The following PLEKHG5 variants were observed in gnomAD, a reference collection of about 807,000 sequenced individuals.
The protein encoded by PLEKHG5 is pleckstrin homology domain-containing family G member 5.
A neutral mutation model predicts 103.8 loss-of-function variants in PLEKHG5; 52 were observed. The ratio of observed to expected loss-of-function variants is 0.50; its 90% CI spans 0.40 to 0.63. The LOEUF (loss-of-function observed/expected upper bound fraction) is 0.63. Among genes scored for constraint, PLEKHG5 ranks in the 30% least tolerant of loss-of-function variants. The probability of loss-of-function intolerance (pLI) is 0.00; values close to 1 mark genes in which losing one functional copy is unlikely to be tolerated. For missense variants in PLEKHG5, 1,205 were observed against 1,347.6 expected (o/e 0.89, Z 1.66); for synonymous variants, 592 against 575.5 (o/e 1.03, Z -0.41).
At chr1:6,511,882 G>A (rs1487739340) in intron 1 of PLEKHG5, among the ~76,000 whole-genome samples, 1 of 152,230 alleles carries the variant, frequency 6.6e-6, no homozygotes, top group Non-Finnish European at 1.5e-5. Context: ...GCCGGGCAGG[G>A]GAGAGGCCCT....
rs550897305 is a variant in PLEKHG5 at position 6,501,887 on chromosome 1, G to A, written c.-164-5318C>T. The stretch of plus-strand genomic sequence containing the variant: ...CCACCTCGTTCTCATTTTCTCCAGG[G>A]TAGCCCCTCACCTGTGAACCCTCCA... On this transcript the variant is annotated intron_variant, in intron 1 of 21. Coordinates refer to the PLEKHG5 transcript ENST00000377740. The surrounding 1 kb of genome is among the most constrained non-coding windows in gnomAD (Gnocchi z 4.3). Among the ~76,000 whole-genome samples the A allele has an allele frequency of 2.0e-5, 3 of 152,272 alleles. No individual in the cohort carries two copies. The East Asian group carries it at 5.8e-4, about 29-fold the overall frequency.
At position 6,490,476 on chromosome 1, in the gene PLEKHG5, GTCTAAGGC is replaced by G. The variant is rs141955211; in HGVS notation, c.-88+1153_-88+1160del. 0.14 allele frequency: 134,524 copies of G among 981,634 alleles called. 16,080 individuals are homozygous for G. The highest frequency in any genetic ancestry group is 0.59 in the African/African-American group (33,661 of 56,882). The allele number at this position is 981,634 out of a possible 1,614,324, so 60.8% of individuals were successfully genotyped here. A position where few individuals can be genotyped will look rare whatever the true frequency, so the allele number is the denominator to read the frequency against. ...ACAGGACCAGGGTCTCCTCCCCGGT[GTCTAAGGC>G]TCTAAGGCTCGGGCCGAGACTGCCA... On this transcript the variant is annotated intron_variant, in intron 1 of 20. Coordinates refer to ENST00000377728, the MANE Select transcript of PLEKHG5 (RefSeq NM_020631.6). This position sits in a 1 kb window ranked among gnomAD's most constrained non-coding sequence, Gnocchi z 8.0.
At chr1:6,513,354 A>G (rs1221167700) in intron 1 of PLEKHG5, among the ~76,000 whole-genome samples, 1 of 152,250 alleles carries the variant, frequency 6.6e-6, no homozygotes, top group African/African-American at 2.4e-5. Context: ...GCATCCAAGT[A>G]GGACCATGCC....
At chr1:6,483,472 C>T (rs1186466453) in intron 1 of PLEKHG5, among the ~76,000 whole-genome samples, 1 of 152,142 alleles carries the variant, frequency 6.6e-6, no homozygotes, top group Non-Finnish European at 1.5e-5. Flanking sequence ...AACTCCAGCC[C>T]GGGCCACACA....
At chr1:6,474,250 A>C (rs1316190855) in intron 6 of PLEKHG5, 86 bp from the exon 7 acceptor site, 1 of 1,520,746 alleles carries the variant, frequency 6.6e-7, no homozygotes, top group African/African-American at 1.4e-5. Context: ...GAGGATCCAC[A>C]CCAAGGCCTG....
Position 6,469,696 on chromosome 1 carries a change from G to C in PLEKHG5, c.1801-20C>G, listed in dbSNP as rs775321229. The C allele has an allele frequency of 5.0e-6, 8 of 1,610,208 alleles. No individual in the cohort carries two copies. The highest frequency in any genetic ancestry group is 5.9e-6 in the Non-Finnish European group (7 of 1,178,482). ...ATCCATCTGCAGTGGCAGGAGGGGG[G>C]GTGGCCAGAGAGGCCAGCAGGGTCA... On this transcript the variant is annotated intron_variant, in intron 16 of 20. Coordinates refer to ENST00000377728, the MANE Select transcript of PLEKHG5 (RefSeq NM_020631.6).
At chr1:6,482,790 C>G (rs1269616993) in intron 1 of PLEKHG5, among the ~76,000 whole-genome samples, 1 of 152,160 alleles carries the variant, frequency 6.6e-6, no homozygotes, top group Non-Finnish European at 1.5e-5. Flanking sequence ...CTCACTGCAA[C>G]CTCCGCCTCC....
intron 1 of PLEKHG5, among the ~76,000 whole-genome samples, chr1:6,516,720 T>C (rs541009079): frequency 1.3e-5 from 2 of 149,644 alleles, no homozygotes; most frequent in African/African-American, 4.9e-5. Flanking sequence ...TGTACTGGCA[T>C]ATATATATAT....
At chr1:6,473,986 T>G in intron 7 of PLEKHG5, 27 bp downstream of exon 7, 23 of 492,916 alleles carry the variant, frequency 4.7e-5, no homozygotes, top group Non-Finnish European at 7.2e-5. Context: ...TCCCACCCCC[T>G]CCCCTGACAC....
At chr1:6,499,324 G>A (rs1036827728), upstream of PLEKHG5, among the ~76,000 whole-genome samples, 8 of 152,128 alleles carry the variant, frequency 5.3e-5, no homozygotes, top group African/African-American at 1.9e-4. Flanking sequence ...ATGCCACTTG[G>A]GTTCTGGAAT....
chr1:6,470,703 G>T lies in PLEKHG5; in HGVS notation c.1542+32C>A, dbSNP rs747120160. ...CATGACGGAGCAGAGAGCCGCGCAG[G>T]GGGGACGGCTCCCGCTGGCCATCAG... On this transcript the variant is annotated intron_variant, in intron 14 of 20. Coordinates refer to ENST00000377728, the MANE Select transcript of PLEKHG5 (RefSeq NM_020631.6). The T allele has an allele frequency of 3.9e-6, 6 of 1,552,452 alleles. No homozygotes were observed. In the South Asian group the frequency reaches 7.1e-5, roughly 18 times the overall value.
At chr1:6,483,008 C>A (rs1644940652) in intron 1 of PLEKHG5, among the ~76,000 whole-genome samples, 1 of 152,254 alleles carries the variant, frequency 6.6e-6, no homozygotes, top group Non-Finnish European at 1.5e-5. Context: ...GGCACCCAGA[C>A]TGGATCCCAG....
At chr1:6,484,493 C>G (rs190014545) in intron 1 of PLEKHG5, among the ~76,000 whole-genome samples, 4 of 152,174 alleles carry the variant, frequency 2.6e-5, no homozygotes, top group Non-Finnish European at 5.9e-5. Flanking sequence ...GGAAGCCCCC[C>G]GGGAGAACCA....
chr1:6,503,407 CTT>C (rs111752953), intron 1 of PLEKHG5, among the ~76,000 whole-genome samples: 1,397 of 125,514 alleles, frequency 0.011, 29 homozygotes, highest in African/African-American at 0.037. Context: ...ACAACCCTGT[CTT>C]TTTTTTTTTT....
intron 1 of PLEKHG5, among the ~76,000 whole-genome samples, chr1:6,504,894 G>A (rs1011995711): frequency 6.6e-6 from 1 of 152,048 alleles, no homozygotes; most frequent in Non-Finnish European, 1.5e-5. Context: ...AAAACCCTTC[G>A]CTGTATGGTC....
In PLEKHG5 at chr1:6,477,432, G is replaced by C. The variant is rs578062669; in HGVS notation, c.43+97C>G. On this transcript the variant is annotated intron_variant, in intron 2 of 20. Transcript: ENST00000377728. The stretch of plus-strand genomic sequence containing the variant: ...TACTCGGGTTTCATTATTTACAGTC[G>C]ACTTGTCCTTATGACGCCCTAGCAC... The C allele has an allele frequency of 1.8e-5, 23 of 1,257,034 alleles. No individual in the cohort carries two copies. In the African/African-American group the frequency reaches 2.8e-4, roughly 15 times the overall value. The allele number at this position is 1,257,034 out of a possible 1,614,324, so 77.9% of individuals were successfully genotyped here.
intron 1 of PLEKHG5, among the ~76,000 whole-genome samples, chr1:6,516,182 GA>G (rs1456056069): frequency 6.6e-5 from 10 of 152,176 alleles, no homozygotes; most frequent in Admixed American, 5.9e-4. Context: ...AGCTATTCAG[GA>G]GGCTGAGGCA....
Position 6,473,204 on chromosome 1 carries a change from G to A in PLEKHG5, c.796-30C>T, listed in dbSNP as rs772876534. 7 of 1,612,698 alleles carry A rather than the reference G, an allele frequency of 4.3e-6. No homozygotes were observed. The East Asian group carries it at 8.9e-5, about 21-fold the overall frequency. On this transcript the variant is annotated intron_variant, in intron 8 of 20. Coordinates refer to ENST00000377728, the MANE Select transcript of PLEKHG5 (RefSeq NM_020631.6). ...AAAGATACCCTGGTCAGGGTCAGGG[G>A]TCATGGCCAGCCAGCTGCCTGACCC...
upstream of PLEKHG5, chr1:6,496,709 A>T: frequency 1.7e-6 from 1 of 598,420 alleles, no homozygotes; most frequent in East Asian, 3.3e-5. Flanking sequence ...TTCTCTTTTA[A>T]ATGCCAACTT....
Sources: gnomAD v4.1 joint callset for allele counts (sites outside exome capture counted in the v4.1 genomes callset) on GRCh38, gnomAD v4.1.1 for gene constraint, Gnocchi (gnomAD v3.1) non-coding constraint, MANE v1.5 for transcripts, NCBI Gene and HGNC (gene_info 2026-07-23, HGNC 2026-07-21) for gene names.